RARS1: variants seen among roughly 807,000 people sequenced by gnomAD.
RARS1 encodes the protein arginine--tRNA ligase, cytoplasmic.
Under a neutral mutation model 78.7 loss-of-function variants are expected in RARS1, and 75 were observed. The observed-to-expected ratio is 0.95, with a 90% CI of 0.79 to 1.15. RARS1 has a LOEUF of 1.15. Ranked by LOEUF, RARS1 falls within the 50% of genes most tolerant of loss-of-function variation. RARS1 has a pLI of 0.00. For missense variants in RARS1, 787 were observed against 787.5 expected (o/e 1.00, Z 0.01); for synonymous variants, 273 against 268.2 (o/e 1.02, Z -0.18).
At position 168,497,400 on chromosome 5, in the gene RARS1, T is replaced by C. The variant is rs145882207; in HGVS notation, c.822+52T>C. 76 of 1,364,028 alleles carry C rather than the reference T, an allele frequency of 5.6e-5. No individual in the cohort carries two copies. In the East Asian group the frequency reaches 1.7e-3, roughly 30 times the overall value. 84.5% of individuals were successfully genotyped at this position (1,364,028 alleles called of 1,614,324 possible). ...GTGTGTGTTTACCATTAATCATAAT[T>C]ATCCATTTTCCTTAGGAAACTTAAA... is the stretch of plus-strand genomic sequence containing the variant. On this transcript the variant is annotated intron_variant, in intron 7 of 14. Coordinates refer to ENST00000231572, the MANE Select transcript of RARS1 (RefSeq NM_002887.4).
intron 6 of RARS1, among the ~76,000 whole-genome samples, chr5:168,496,333 C>T (rs1348125727): frequency 6.8e-6 from 1 of 146,730 alleles, no homozygotes; most frequent in Non-Finnish European, 1.5e-5. Flanking sequence ...GAGCTGAGAT[C>T]GTGCCACTGC....
rs1758706507 is a variant in RARS1 at position 168,517,982 on chromosome 5, G to A, written c.1793G>A (p.Cys598Tyr). 5.0e-6 allele frequency: 8 copies of A among 1,600,992 alleles called. No individual in the cohort carries two copies. The highest frequency in any genetic ancestry group is 6.8e-6 in the Non-Finnish European group (8 of 1,173,628). Reference sequence around the variant, plus strand: ...GATGACTTATTTCTCCACACTCTCTGTGATTATATATATGAGCTGGCAACT... The same window carrying A: ...GATGACTTATTTCTCCACACTCTCTATGATTATATATATGAGCTGGCAACT... ...ILDDLFLHTL[C>Y]DYIYELATAF... Residue 598 changes from cysteine (C) to tyrosine (Y), a missense_variant, in exon 14 of 15, where the codon TGT becomes TAT. Transcript: ENST00000231572.
intron 12 of RARS1, among the ~76,000 whole-genome samples, chr5:168,511,009 A>T (rs1022008784): frequency 1.4e-4 from 21 of 152,146 alleles, no homozygotes; most frequent in Non-Finnish European, 4.4e-5. Context: ...CTCACATCAG[A>T]GTCTACATGT....
At chr5:168,490,762 C>T (rs761890955) in intron 2 of RARS1, among the ~76,000 whole-genome samples, 24 of 152,080 alleles carry the variant, frequency 1.6e-4, no homozygotes, top group Non-Finnish European at 3.1e-4. Flanking sequence ...TTTCATAGTG[C>T]CAAAACTAAG....
At position 168,492,703 on chromosome 5, in the gene RARS1, CATT is replaced by C; in HGVS notation, c.230_232del (p.Ile77del). The C allele has an allele frequency of 1.9e-6, 3 of 1,611,584 alleles. No individual in the cohort carries two copies. The highest frequency in any genetic ancestry group is 2.5e-6 in the Non-Finnish European group (3 of 1,177,838). On this transcript the variant is annotated inframe_deletion, in exon 3 of 15. Coordinates refer to ENST00000231572, the MANE Select transcript of RARS1 (RefSeq NM_002887.4). ...ACAAACCAACTAAAAATATGATTAA[CATT>C]ATTAGCCGCCTACAAGAGGTCTTTG...
chr5:168,494,253 T>A (rs1182821237), intron 4 of RARS1: 4 of 985,246 alleles, frequency 4.1e-6, no homozygotes. Flanking sequence ...TGAGGATAGA[T>A]AATGGCAGAT....
chr5:168,501,865 T>C (rs1582434096), intron 8 of RARS1, 136 bp from the exon 9 acceptor site: 3 of 1,324,528 alleles, frequency 2.3e-6, no homozygotes, highest in Admixed American at 3.2e-5. Context: ...TAATGTTCTA[T>C]ATCATACATT....
In RARS1 at chr5:168,495,418, C is replaced by A; in HGVS notation, c.683C>A (p.Ala228Glu). 1 of 1,613,646 alleles carries A rather than the reference C, an allele frequency of 6.2e-7. No individual in the cohort carries two copies. The highest frequency in any genetic ancestry group is 8.5e-7 in the Non-Finnish European group (1 of 1,179,726). Residue 228 changes from alanine to glutamate, a missense_variant, in exon 6 of 15, where the codon GCA becomes GAA. Coordinates refer to ENST00000231572, the MANE Select transcript of RARS1 (RefSeq NM_002887.4). ...AGTATAAGCCGCCTCTTTGAATTTG[C>A]AGGGTATGACGTGCTCAGGTATGTG... ...GESISRLFEF[A>E]GYDVLRLNHV...
chr5:168,510,501 T>TCTCTC (rs1491151229), intron 11 of RARS1, 80 bp from the exon 12 acceptor site: 5 of 1,025,790 alleles, frequency 4.9e-6, no homozygotes, highest in Non-Finnish European at 7.3e-6. Flanking sequence ...TGTGGTCAGG[T>TCTCTC]CTCTCAAACC....
chr5:168,516,519 G>C (rs1758669070), intron 12 of RARS1, among the ~76,000 whole-genome samples: 1 of 152,080 alleles, frequency 6.6e-6, no homozygotes, highest in Non-Finnish European at 1.5e-5. Context: ...ACTGGAAAAA[G>C]GTATTCATGC....
chr5:168,503,631 C>T (rs1758374746), intron 9 of RARS1, among the ~76,000 whole-genome samples: 1 of 139,190 alleles, frequency 7.2e-6, no homozygotes, highest in African/African-American at 2.7e-5. Flanking sequence ...TAGTTAATTG[C>T]TTTCTGGTAT....
At chr5:168,494,374 C>T (rs774416484) in intron 4 of RARS1, 176 bp from the exon 5 acceptor site, 26 of 985,248 alleles carry the variant, frequency 2.6e-5, no homozygotes, top group Non-Finnish European at 1.8e-5. Context: ...GTGGTGAAGG[C>T]TTGAAGTAGA....
chr5:168,488,798 T>A, intron 2 of RARS1, 62 bp downstream of exon 2: 1 of 1,484,918 alleles, frequency 6.7e-7, no homozygotes, highest in South Asian at 1.4e-5. Flanking sequence ...TTTTAAAGCC[T>A]TTGTTACCAA....
At chr5:168,510,815 C>A in intron 12 of RARS1, 129 bp downstream of exon 12, 1 of 547,794 alleles carries the variant, frequency 1.8e-6, no homozygotes, top group Non-Finnish European at 3.2e-6. Flanking sequence ...ATTGCTCTGA[C>A]TTTATTGCAC....
chr5:168,496,588 T>C (rs1758194254), intron 6 of RARS1, among the ~76,000 whole-genome samples: 1 of 151,700 alleles, frequency 6.6e-6, no homozygotes, highest in South Asian at 2.1e-4. Flanking sequence ...GTTCACGCCA[T>C]TCTCCTGCCT....
At chr5:168,491,841 T>A (rs2152903546) in intron 2 of RARS1, among the ~76,000 whole-genome samples, 1 of 152,224 alleles carries the variant, frequency 6.6e-6, no homozygotes, top group East Asian at 1.9e-4. Flanking sequence ...AAATTTGTGA[T>A]GAACATAAAA....
intron 9 of RARS1, among the ~76,000 whole-genome samples, chr5:168,502,508 G>A (rs1758352001): frequency 6.9e-6 from 1 of 144,388 alleles, no homozygotes; most frequent in South Asian, 2.2e-4. Flanking sequence ...ACCATACCCA[G>A]CCAATAATAA....
rs772589730 is a variant in RARS1 at position 168,518,069 on chromosome 5, G to GTTTTTTTTTTTTTTTTTTTTTTTTTT, written c.1873+8_1873+9insTTTTTTTTTTTTTTTTTTTTTTTTTT. ...GAGAAAGATAGACAGACTGGTGAGT[G>GTTTTTTTTTTTTTTTTTTTTTTTTTT]TCTTTTTTTTTTTTTTTTTTTTTTT... On this transcript the variant is annotated splice_region_variant and intron_variant, in intron 14 of 14. Transcript: ENST00000231572. 3 of 675,912 alleles carry GTTTTTTTTTTTTTTTTTTTTTTTTTT rather than the reference G, an allele frequency of 4.4e-6. No homozygotes were observed. Among genetic ancestry groups the GTTTTTTTTTTTTTTTTTTTTTTTTTT allele is most frequent in the African/African-American group, 4.7e-5 (1 of 21,068 alleles). The allele number at this position is 675,912 out of a possible 1,614,324, so 41.9% of individuals were successfully genotyped here. A position where few individuals can be genotyped will look rare whatever the true frequency, so the allele number is the denominator to read the frequency against.
At chr5:168,513,384 A>G (rs1363830819) in intron 12 of RARS1, among the ~76,000 whole-genome samples, 1 of 151,168 alleles carries the variant, frequency 6.6e-6, no homozygotes, top group African/African-American at 2.4e-5. Context: ...CAGTGGCACA[A>G]TCTTGGCTCA....
Sources: allele counts gnomAD v4.1 joint callset (sites outside exome capture counted in the v4.1 genomes callset), GRCh38; gene constraint gnomAD v4.1.1; transcripts MANE v1.5; gene names NCBI Gene and HGNC (gene_info 2026-07-23, HGNC 2026-07-21).